GRIA4: variants seen among roughly 807,000 people sequenced by gnomAD.
GRIA4 encodes glutamate ionotropic receptor AMPA type subunit 4, also known as glutamate receptor 4.
GRIA4 carries 34 observed loss-of-function variants against 104.0 expected under a neutral mutation model. The ratio of observed to expected loss-of-function variants is 0.33; its 90% confidence interval spans 0.25 to 0.44. The LOEUF (loss-of-function observed/expected upper bound fraction) is 0.44. GRIA4 is among the 20% of genes least tolerant of loss of function. GRIA4 has a pLI of 1.00. For synonymous variants in GRIA4, 386 were observed against 381.9 expected (o/e 1.01, Z -0.13); for missense variants, 750 against 1,096.5 (o/e 0.68, Z 4.46).
intron 3 of GRIA4, among the ~76,000 whole-genome samples, chr11:105,632,463 G>GA (rs1300985551): frequency 6.6e-6 from 1 of 152,134 alleles, no homozygotes; most frequent in Non-Finnish European, 1.5e-5. Context: ...GAAGAGCATA[G>GA]CCTCTGCAGC....
At chr11:105,647,391 T>C (rs1182371628) in intron 3 of GRIA4, among the ~76,000 whole-genome samples, 2 of 152,180 alleles carry the variant, frequency 1.3e-5, no homozygotes, top group African/African-American at 4.8e-5. Context: ...TGATGATTCC[T>C]CAAAGATCTA....
At chr11:105,979,496 T>C in intron 16 of GRIA4, 79 bp from the exon 17 acceptor site, 1 of 1,240,836 alleles carries the variant, frequency 8.1e-7, no homozygotes. Context: ...TTTCGGTGTT[T>C]GTTGTGGAAC....
rs1591410229 is a variant in GRIA4 at position 105,894,798 on chromosome 11, T to TGCAAAAGAACCTTTACTAAATAC, written c.727-3471_727-3470insGCAAAAGAACCTTTACTAAATAC. On this transcript the variant is annotated intron_variant, in intron 6 of 16. Coordinates refer to ENST00000282499, the MANE Select transcript of GRIA4 (RefSeq NM_000829.4). ...GCAGGATTATTGCTACATATTTTTT[T>TGCAAAAGAACCTTTACTAAATAC]TTTTTTTTTTTTGAGACGGAGTCTC... 1.6e-3 allele frequency among the ~76,000 whole-genome samples: 224 copies of TGCAAAAGAACCTTTACTAAATAC among 138,602 alleles called. 1 individual carries two copies. Among genetic ancestry groups the TGCAAAAGAACCTTTACTAAATAC allele is most frequent in the Admixed American group, 2.6e-3 (35 of 13,440 alleles). The allele number at this position is 138,602 out of a possible 152,430, so 90.9% of individuals were successfully genotyped here. A position where few individuals can be genotyped will look rare whatever the true frequency, so the allele number is the denominator to read the frequency against.
intron 3 of GRIA4, among the ~76,000 whole-genome samples, chr11:105,664,222 T>C (rs1394969968): frequency 3.3e-5 from 5 of 150,092 alleles, no homozygotes; most frequent in Non-Finnish European, 5.9e-5. Flanking sequence ...TGAAGTCACA[T>C]CTTTAGCTGT....
At chr11:105,867,036 C>T (rs1384811866) in intron 5 of GRIA4, among the ~76,000 whole-genome samples, 1 of 152,076 alleles carries the variant, frequency 6.6e-6, no homozygotes, top group African/African-American at 2.4e-5. Context: ...TTAATTGGAA[C>T]CCCTTTCAGC....
intron 4 of GRIA4, among the ~76,000 whole-genome samples, chr11:105,766,533 A>C (rs1408664970): frequency 6.6e-6 from 1 of 152,214 alleles, no homozygotes; most frequent in Non-Finnish European, 1.5e-5. Flanking sequence ...TTTTAACTTT[A>C]GAATGAGTTT....
intron 4 of GRIA4, among the ~76,000 whole-genome samples, chr11:105,798,287 A>T (rs956985815): frequency 1.3e-5 from 2 of 152,142 alleles, no homozygotes; most frequent in African/African-American, 4.8e-5. Context: ...GGTATATTTA[A>T]CAAAAGACCT....
chr11:105,898,173 C>A (rs1026148228), intron 6 of GRIA4, 96 bp from the exon 7 acceptor site: 6 of 508,138 alleles, frequency 1.2e-5, no homozygotes, highest in East Asian at 6.7e-5. Context: ...TATTAAAAAT[C>A]TTTTAATATG....
intron 3 of GRIA4, among the ~76,000 whole-genome samples, chr11:105,722,904 G>A (rs1043073353): frequency 7.9e-5 from 12 of 151,894 alleles, no homozygotes; most frequent in Non-Finnish European, 1.5e-4. Flanking sequence ...ACTAATAATC[G>A]CATACTAAAG....
intron 4 of GRIA4, among the ~76,000 whole-genome samples, chr11:105,780,231 C>A (rs527433015): frequency 3.4e-4 from 52 of 152,226 alleles, no homozygotes; most frequent in African/African-American, 1.1e-3. Context: ...ATATGATTGA[C>A]GTGTGATGCA....
intron 4 of GRIA4, among the ~76,000 whole-genome samples, chr11:105,778,562 G>A (rs1337051972): frequency 7.9e-5 from 12 of 152,144 alleles, no homozygotes; most frequent in East Asian, 3.9e-4. Flanking sequence ...AAAATTAGCC[G>A]GGTGTGATGG....
chr11:105,813,093 CAAAAAAAAAAA>C (rs58984237), intron 4 of GRIA4, among the ~76,000 whole-genome samples: 3 of 80,452 alleles, frequency 3.7e-5, no homozygotes, highest in African/African-American at 5.4e-5. Context: ...GACTCCATCT[CAAAAAAAAAAA>C]AAAAAAAAAA....
At position 105,719,952 on chromosome 11, in the gene GRIA4, C is replaced by T. The variant is rs561525598; in HGVS notation, c.248-33029C>T. 4.6e-5 allele frequency among the ~76,000 whole-genome samples: 7 copies of T among 152,076 alleles called. No homozygotes were observed. In the South Asian group the frequency reaches 8.3e-4, roughly 18 times the overall value. On this transcript the variant is annotated intron_variant, in intron 3 of 16. Transcript: ENST00000282499. The stretch of plus-strand genomic sequence containing the variant: ...CCTGCCAATTGGTCTTTCACTCAGC[C>T]TATTTCATCATAAGATCCCTCAGCA...
Position 105,804,953 on chromosome 11 carries a change from A to T in GRIA4, c.487+51733A>T, listed in dbSNP as rs1942884151. ...AAGAAATAACTGTTGATACCTATGA[A>T]TATATAATATAAAAATAGGCTTTGG... On this transcript the variant is annotated intron_variant, in intron 4 of 16. Coordinates refer to ENST00000282499, the MANE Select transcript of GRIA4 (RefSeq NM_000829.4). Among the ~76,000 whole-genome samples the T allele has an allele frequency of 2.6e-5, 4 of 151,976 alleles. No homozygotes were observed. In the South Asian group the frequency reaches 8.3e-4, roughly 31 times the overall value.
At chr11:105,912,846 G>T (rs1947295845) in intron 10 of GRIA4, 1 of 983,472 alleles carries the variant, frequency 1.0e-6, no homozygotes, top group Non-Finnish European at 1.2e-6. Context: ...AGATAAACAA[G>T]ATATTGGCAT....
At chr11:105,935,155 T>C (rs1947997320) in intron 14 of GRIA4, among the ~76,000 whole-genome samples, 1 of 152,098 alleles carries the variant, frequency 6.6e-6, no homozygotes, top group Non-Finnish European at 1.5e-5. Flanking sequence ...CAAACACCAG[T>C]AATGGAAAAG....
At chr11:105,633,486 C>A (rs769877703) in intron 3 of GRIA4, among the ~76,000 whole-genome samples, 1 of 152,008 alleles carries the variant, frequency 6.6e-6, no homozygotes, top group East Asian at 1.9e-4. Context: ...TGTACTAAAC[C>A]CTTAGTAAAT....
At chr11:105,617,943 T>C (rs1310109874) in intron 3 of GRIA4, among the ~76,000 whole-genome samples, 1 of 151,938 alleles carries the variant, frequency 6.6e-6, no homozygotes, top group Non-Finnish European at 1.5e-5. Context: ...GGAAGGATAA[T>C]TACATCAAAC....
At chr11:105,715,318 T>G (rs190093956) in intron 3 of GRIA4, among the ~76,000 whole-genome samples, 1 of 152,208 alleles carries the variant, frequency 6.6e-6, no homozygotes, top group Non-Finnish European at 1.5e-5. Context: ...TTAAGTCTTA[T>G]GTTTGAAACA....
Sources: gnomAD v4.1 joint callset for allele counts (sites outside exome capture counted in the v4.1 genomes callset) on GRCh38, gnomAD v4.1.1 for gene constraint, MANE v1.5 for transcripts, NCBI Gene and HGNC (gene_info 2026-07-23, HGNC 2026-07-21) for gene names.